Variants in PLXNC1 observed in about 807,000 individuals in gnomAD.
The protein encoded by PLXNC1 is plexin-C1.
Under a neutral mutation model 178.2 loss-of-function variants are expected in PLXNC1, and 75 were observed. The ratio of observed to expected loss-of-function variants is 0.42; its 90% CI spans 0.35 to 0.51. The LOEUF (loss-of-function observed/expected upper bound fraction) is 0.51, where lower values mean the gene tolerates loss of function less well. Ranked by LOEUF, PLXNC1 falls within the 20% of genes least tolerant of loss-of-function variation. The pLI is 0.02. For synonymous variants in PLXNC1, 790 were observed against 779.9 expected (o/e 1.01, Z -0.22); for missense variants, 1,503 against 1,984.4 (o/e 0.76, Z 4.61).
At chr12:94,244,533 G>A (rs10859690) in intron 12 of PLXNC1, among the ~76,000 whole-genome samples, 24,529 of 151,988 alleles carry the variant, frequency 0.16, 1,988 homozygotes, top group Middle Eastern at 0.19. Flanking sequence ...CTTACCTTTC[G>A]TCTCCCCACA....
intron 12 of PLXNC1, among the ~76,000 whole-genome samples, chr12:94,244,707 G>A (rs1052774901): frequency 3.9e-5 from 6 of 152,174 alleles, no homozygotes; most frequent in East Asian, 1.9e-4. Context: ...CAACACTAAC[G>A]ATAGCTAATG....
chr12:94,169,332 G>A, intron 2 of PLXNC1, 39 bp downstream of exon 2: 1 of 1,578,910 alleles, frequency 6.3e-7, no homozygotes, highest in South Asian at 1.1e-5. Flanking sequence ...CTATTTTAAT[G>A]GTGATATTTT....
chr12:94,169,978 A>G (rs1961778952), intron 2 of PLXNC1, among the ~76,000 whole-genome samples: 1 of 152,236 alleles, frequency 6.6e-6, no homozygotes, highest in African/African-American at 2.4e-5. Flanking sequence ...GTCTGAAGTT[A>G]TCTAGCGTTC....
At chr12:94,157,447 G>A (rs902934926) in intron 1 of PLXNC1, among the ~76,000 whole-genome samples, 2 of 152,198 alleles carry the variant, frequency 1.3e-5, no homozygotes, top group African/African-American at 4.8e-5. Context: ...GGTCTAACCT[G>A]TTCATCAAAG....
At chr12:94,206,891 T>G (rs1963316709) in intron 4 of PLXNC1, among the ~76,000 whole-genome samples, 1 of 152,230 alleles carries the variant, frequency 6.6e-6, no homozygotes, top group Non-Finnish European at 1.5e-5. Context: ...TTTAATTTAA[T>G]TAGGGCAGTG....
intron 2 of PLXNC1, among the ~76,000 whole-genome samples, chr12:94,177,137 A>ATATGTGTGTG (rs201041826): frequency 1.5e-5 from 1 of 67,422 alleles, no homozygotes; most frequent in African/African-American, 7.6e-5. Context: ...GTGTATATAT[A>ATATGTGTGTG]TGTGTGTGTG....
Position 94,185,064 on chromosome 12 carries a change from T to C in PLXNC1, c.1339-1309T>C, listed in dbSNP as rs938782326. The stretch of plus-strand genomic sequence containing the variant: ...AACCCCATGAAGTCGTGATCCATTT[T>C]ACAGATGAGGAAACAAGGTTAGAGA... On this transcript the variant is annotated intron_variant, in intron 3 of 30. Coordinates refer to ENST00000258526, the MANE Select transcript of PLXNC1 (RefSeq NM_005761.3). Among the ~76,000 whole-genome samples, 4 of 152,346 alleles carry C rather than the reference T, an allele frequency of 2.6e-5. No homozygotes were observed. In the East Asian group the frequency reaches 5.8e-4, roughly 22 times the overall value.
chr12:94,226,634 C>G lies in PLXNC1; in HGVS notation c.1820C>G (p.Ala607Gly). The G allele has an allele frequency of 2.5e-6, 4 of 1,613,578 alleles. No individual in the cohort carries two copies. The highest frequency in any genetic ancestry group is 1.3e-5 in the African/African-American group (1 of 74,988). ...ECPACVETGCAWCKSARRCIH... is the reference protein window; with the variant it reads ...ECPACVETGCGWCKSARRCIH... ...CCAGCATGCGTAGAAACTGGCTGCG[C>G]GTGGTGTAAAAGTGCAAGAAGGTGT... The change falls in exon 8 of 31, where the codon GCG (alanine) becomes GGG (glycine). Residue 607 changes from alanine to glycine, a missense_variant. Around this residue, in one of 4 missense-constraint regions of PLXNC1, gnomAD observed 615 missense variants for 698.6 expected, o/e 0.88. Coordinates refer to ENST00000258526, the MANE Select transcript of PLXNC1 (RefSeq NM_005761.3).
rs544677688 is a variant in PLXNC1 at position 94,260,070 on chromosome 12, G to T, written c.3251+336G>T. Among the ~76,000 whole-genome samples the T allele has an allele frequency of 5.3e-5, 8 of 152,120 alleles. No individual in the cohort carries two copies. In the East Asian group the frequency reaches 5.8e-4, roughly 11 times the overall value. On this transcript the variant is annotated intron_variant, in intron 19 of 30. Transcript: ENST00000258526. The surrounding 1 kb of genome is among the most constrained non-coding windows in gnomAD (Gnocchi z 4.4). ...CATACCACCCCAACACAATTTTTTT[G>T]TTGTTGTTGTTGGAGTCTCACTCTG...
chr12:94,247,818 A>T, intron 12 of PLXNC1, 85 bp from the exon 13 acceptor site: 2 of 1,201,560 alleles, frequency 1.7e-6, no homozygotes, highest in Non-Finnish European at 2.4e-6. Context: ...CCAAGAAGTT[A>T]AGTTGCTCAG....
chr12:94,181,673 A>G, intron 3 of PLXNC1, 93 bp downstream of exon 3: 3 of 1,149,080 alleles, frequency 2.6e-6, no homozygotes, highest in Non-Finnish European at 3.9e-6. Flanking sequence ...ACTTTGAACT[A>G]CAGAGTTTAA....
At chr12:94,188,937 A>G (rs1349755962) in intron 4 of PLXNC1, among the ~76,000 whole-genome samples, 1 of 152,184 alleles carries the variant, frequency 6.6e-6, no homozygotes, top group African/African-American at 2.4e-5. Flanking sequence ...GCCATTGAGA[A>G]TGAGGTGAGG....
intron 9 of PLXNC1, among the ~76,000 whole-genome samples, chr12:94,234,649 A>C (rs1401612649): frequency 1.3e-5 from 2 of 152,228 alleles, no homozygotes; most frequent in African/African-American, 4.8e-5. Context: ...TTGAATACAT[A>C]GAAATCCTTG....
At chr12:94,264,328 A>G (rs1004551878) in intron 20 of PLXNC1, among the ~76,000 whole-genome samples, 1 of 152,134 alleles carries the variant, frequency 6.6e-6, no homozygotes, top group Non-Finnish European at 1.5e-5. Flanking sequence ...CAGCCAGGAA[A>G]AATGCATGTG....
rs759120639 is a variant in PLXNC1 at position 94,255,298 on chromosome 12, T to TAA, written c.3087+5_3087+6dup. On this transcript the variant is annotated splice_region_variant and intron_variant, in intron 17 of 30. Coordinates refer to ENST00000258526, the MANE Select transcript of PLXNC1 (RefSeq NM_005761.3). ...GCTCTGAGAACTTTCTTCCCTGAGGTAAAAGAGCATTGATCATATTCCGAA... is the reference window on the plus strand; with the variant it reads ...GCTCTGAGAACTTTCTTCCCTGAGGTAAAAAAGAGCATTGATCATATTCCGAA... 1.3e-6 allele frequency: 2 copies of TAA among 1,562,162 alleles called. No individual in the cohort carries two copies. Among genetic ancestry groups the TAA allele is most frequent in the South Asian group, 2.2e-5 (2 of 90,086 alleles).
At chr12:94,200,468 T>A (rs1963079982) in intron 4 of PLXNC1, among the ~76,000 whole-genome samples, 1 of 152,220 alleles carries the variant, frequency 6.6e-6, no homozygotes, top group Non-Finnish European at 1.5e-5. Flanking sequence ...ATGCTTTTAT[T>A]CTGCTATATG....
rs971302520 is a variant in PLXNC1, at chr12:94,182,715, ACT to A, written c.1338+1138_1338+1139del. ...ACCCCAGCCTGGGCAACAGAGTGAG[ACT>A]CTGTCTCAAAAAAGAAAAAAAAAAG... On this transcript the variant is annotated intron_variant, in intron 3 of 30. Coordinates refer to ENST00000258526, the MANE Select transcript of PLXNC1 (RefSeq NM_005761.3). Among the ~76,000 whole-genome samples the A allele has an allele frequency of 2.0e-4, 30 of 151,840 alleles. 1 individual carries two copies. Among genetic ancestry groups the A allele is most frequent in the South Asian group, 1.2e-3 (6 of 4,812 alleles).
At chr12:94,182,892 TATCTATCTATCTATC>T (rs1297609256) in intron 3 of PLXNC1, among the ~76,000 whole-genome samples, 1 of 152,056 alleles carries the variant, frequency 6.6e-6, no homozygotes, top group Non-Finnish European at 1.5e-5. Context: ...TCTATCTATC[TATCTATCTATCTATC>T]ATCTATCTAT....
rs757487523 is a variant in PLXNC1, at chr12:94,248,120, C to T, written c.2592+14C>T. On this transcript the variant is annotated intron_variant, in intron 13 of 30. Transcript: ENST00000258526. The stretch of plus-strand genomic sequence containing the variant: ...GTGAAAATTCAAGTATGTTTCTTTT[C>T]TTTCTGGGTGGGATGTCACCCCGAC... The T allele has an allele frequency of 1.6e-5, 25 of 1,612,738 alleles. No homozygotes were observed. The highest frequency in any genetic ancestry group is 1.3e-5 in the African/African-American group (1 of 74,890).
Sources: gnomAD v4.1 joint callset for allele counts (sites outside exome capture counted in the v4.1 genomes callset) on GRCh38, gnomAD v4.1.1 for gene constraint, gnomAD v4.1.1 regional missense constraint, Gnocchi (gnomAD v3.1) non-coding constraint, MANE v1.5 for transcripts, NCBI Gene and HGNC (gene_info 2026-07-23, HGNC 2026-07-21) for gene names.